TMEM108: variants seen among roughly 807,000 people sequenced by gnomAD.
The protein encoded by TMEM108 is cancer/testis antigen 124.
Under a neutral mutation model 35.1 loss-of-function variants are expected in TMEM108, and 12 were observed. The observed-to-expected ratio is 0.34, with a 90% CI of 0.22 to 0.55. The LOEUF is 0.55. Among genes scored for constraint, TMEM108 ranks in the 20% least tolerant of loss-of-function variants. The probability of loss-of-function intolerance (pLI) is 0.89; values close to 1 mark genes in which losing one functional copy is unlikely to be tolerated. For synonymous variants in TMEM108, 287 were observed against 308.6 expected (o/e 0.93, Z 0.73); for missense variants, 680 against 753.3 (o/e 0.90, Z 1.14).
chr3:133,084,072 CA>C (rs1451902054), intron 2 of TMEM108, among the ~76,000 whole-genome samples: 1 of 151,860 alleles, frequency 6.6e-6, no homozygotes, highest in Non-Finnish European at 1.5e-5. Flanking sequence ...ATGCATACCC[CA>C]GTATCATAAA....
intron 2 of TMEM108, among the ~76,000 whole-genome samples, chr3:133,170,949 A>AT (rs1945121532): frequency 6.6e-6 from 1 of 152,214 alleles, no homozygotes; most frequent in African/African-American, 2.4e-5. Flanking sequence ...CATTCAGACA[A>AT]GTGATGAAGA....
chr3:133,386,445 A>T (rs1361328915), intron 4 of TMEM108: 2 of 1,536,140 alleles, frequency 1.3e-6, no homozygotes, highest in Admixed American at 2.0e-5. Context: ...ACCTGAAAGC[A>T]TGCCCTTCCA....
intron 2 of TMEM108, among the ~76,000 whole-genome samples, chr3:133,205,710 T>C (rs1246422048): frequency 1.3e-5 from 2 of 152,196 alleles, no homozygotes; most frequent in Admixed American, 6.5e-5. Context: ...ACCCGACCTT[T>C]CTTTCTGGCT....
intron 2 of TMEM108, among the ~76,000 whole-genome samples, chr3:133,213,152 A>G (rs955871973): frequency 6.6e-6 from 1 of 152,178 alleles, no homozygotes; most frequent in African/African-American, 2.4e-5. Context: ...ATGAATATTC[A>G]TTCCTTCTGT....
chr3:133,083,278 T>C (rs899230618), intron 2 of TMEM108, among the ~76,000 whole-genome samples: 15 of 150,712 alleles, frequency 1.0e-4, no homozygotes, highest in African/African-American at 2.7e-4. Flanking sequence ...GTGATGGCAC[T>C]GGAAACTGTC....
At chr3:133,063,840 G>A (rs1432545249) in intron 2 of TMEM108, among the ~76,000 whole-genome samples, 2 of 152,122 alleles carry the variant, frequency 1.3e-5, no homozygotes, top group Non-Finnish European at 2.9e-5. Flanking sequence ...CAGAGGAGGG[G>A]CTGCCTTGAG....
chr3:133,152,047 T>A (rs1944809697), intron 2 of TMEM108, among the ~76,000 whole-genome samples: 1 of 152,164 alleles, frequency 6.6e-6, no homozygotes, highest in African/African-American at 2.4e-5. Context: ...GAGACTTCCG[T>A]TGACCAAAAC....
intron 3 of TMEM108, among the ~76,000 whole-genome samples, chr3:133,369,547 G>C (rs889283175): frequency 6.6e-6 from 1 of 152,176 alleles, no homozygotes; most frequent in Non-Finnish European, 1.5e-5. Context: ...GTTAAAAACT[G>C]TATGTTCAGG....
chr3:133,163,671 GC>G (rs1394517323), intron 2 of TMEM108, among the ~76,000 whole-genome samples: 5 of 152,170 alleles, frequency 3.3e-5, no homozygotes, highest in Admixed American at 6.5e-5. Flanking sequence ...ATGAACTACA[GC>G]TGCAGCCTTG....
At chr3:133,352,883 CT>C (rs2072045943) in intron 3 of TMEM108, among the ~76,000 whole-genome samples, 1 of 152,168 alleles carries the variant, frequency 6.6e-6, no homozygotes, top group Non-Finnish European at 1.5e-5. Flanking sequence ...AACTCAACTT[CT>C]AACCCCTCTC....
At chr3:133,391,786 C>T (rs965656971) in intron 5 of TMEM108, among the ~76,000 whole-genome samples, 36 of 152,228 alleles carry the variant, frequency 2.4e-4, no homozygotes, top group African/African-American at 8.2e-4. Flanking sequence ...ATGTCACTTC[C>T]TCAGCGAGGC....
chr3:133,209,696 C>T (rs904188121), intron 2 of TMEM108, among the ~76,000 whole-genome samples: 1 of 152,042 alleles, frequency 6.6e-6, no homozygotes, highest in African/African-American at 2.4e-5. Context: ...CTCCATTGCC[C>T]CCACTCAGAA....
chr3:133,332,075 C>T (rs931396560), intron 3 of TMEM108, among the ~76,000 whole-genome samples: 6 of 95,564 alleles, frequency 6.3e-5, no homozygotes, highest in Non-Finnish European at 1.1e-4. Context: ...CGCGTGCGTG[C>T]GCACGTGCAC....
intron 5 of TMEM108, among the ~76,000 whole-genome samples, chr3:133,390,757 A>G (rs945295022): frequency 3.3e-5 from 5 of 151,914 alleles, no homozygotes; most frequent in Non-Finnish European, 7.4e-5. Context: ...AACACAGACG[A>G]GTTATAGACA....
At chr3:133,216,065 T>G (rs1945903315) in intron 2 of TMEM108, among the ~76,000 whole-genome samples, 1 of 150,932 alleles carries the variant, frequency 6.6e-6, no homozygotes, top group Non-Finnish European at 1.5e-5. Flanking sequence ...CACCACCTTG[T>G]TTTTTTTTCC....
intron 3 of TMEM108, chr3:133,253,545 A>T (rs1230580157): frequency 6.6e-6 from 1 of 152,210 alleles, no homozygotes; most frequent in East Asian, 1.9e-4. Flanking sequence ...GCCAAAGAAG[A>T]AACATAAATT....
chr3:133,284,109 C>T (rs1246704201), intron 3 of TMEM108, among the ~76,000 whole-genome samples: 1 of 152,162 alleles, frequency 6.6e-6, no homozygotes, highest in East Asian at 1.9e-4. Context: ...GCTTGCCCTG[C>T]AGCCAGCTAT....
intron 2 of TMEM108, among the ~76,000 whole-genome samples, chr3:133,134,394 G>A (rs922481714): frequency 6.6e-6 from 1 of 151,908 alleles, no homozygotes; most frequent in African/African-American, 2.4e-5. Flanking sequence ...TAGGAGAGTT[G>A]TACTGCAGTT....
intron 3 of TMEM108, among the ~76,000 whole-genome samples, chr3:133,275,279 A>G (rs1488435361): frequency 6.6e-6 from 1 of 152,214 alleles, no homozygotes; most frequent in East Asian, 1.9e-4. Flanking sequence ...TCACATATGT[A>G]ATTCTTAATT....
Sources: allele counts gnomAD v4.1 joint callset (sites outside exome capture counted in the v4.1 genomes callset), GRCh38; gene constraint gnomAD v4.1.1; transcripts MANE v1.5; gene names NCBI Gene and HGNC (gene_info 2026-07-23, HGNC 2026-07-21).